DNMT3A: variants seen among roughly 807,000 people sequenced by gnomAD.
DNMT3A encodes the protein DNA (cytosine-5)-methyltransferase 3A.
Under a neutral mutation model 117.6 loss-of-function variants are expected in DNMT3A, and 267 were observed. The ratio of observed to expected loss-of-function variants is 2.27; its 90% CI spans 2.05 to 2.51. The LOEUF (loss-of-function observed/expected upper bound fraction) is 2.51, where lower values mean the gene tolerates loss of function less well. Among genes scored for constraint, DNMT3A ranks in the 30% most tolerant of loss-of-function variants. The pLI, the probability that DNMT3A is intolerant of heterozygous loss-of-function variation, is 0.00. For synonymous variants in DNMT3A, 432 were observed against 474.8 expected (o/e 0.91, Z 1.17); for missense variants, 1,029 against 1,260.2 (o/e 0.82, Z 2.78).
At chr2:25,313,592 G>A (rs948722465) in intron 2 of DNMT3A, among the ~76,000 whole-genome samples, 7 of 152,226 alleles carry the variant, frequency 4.6e-5, no homozygotes, top group African/African-American at 1.7e-4. Flanking sequence ...AGGCGGGTCC[G>A]AGAAGGAATC....
intron 20 of DNMT3A, 97 bp downstream of exon 20, chr2:25,239,033 C>T (rs1427470384): frequency 1.7e-5 from 17 of 1,024,488 alleles, no homozygotes; most frequent in Admixed American, 2.4e-5. Context: ...CAGCAGAGGC[C>T]GGCCAGAGAG....
intron 6 of DNMT3A, among the ~76,000 whole-genome samples, chr2:25,258,355 A>AC (rs1016824027): frequency 4.6e-5 from 7 of 152,054 alleles, no homozygotes; most frequent in Non-Finnish European, 5.9e-5. Flanking sequence ...GGGCAGGGGC[A>AC]CCCCCCTAAC....
rs1673401870 is a variant in DNMT3A, at chr2:25,236,709, G to A, written c.2478+227C>T. 6.6e-6 allele frequency among the ~76,000 whole-genome samples: 1 copy of A among 152,222 alleles called. No individual in the cohort carries two copies. Among genetic ancestry groups the A allele is most frequent in the African/African-American group, 2.4e-5 (1 of 41,464 alleles). ...CAGGTCTTGGTAAAGACTCCTCAGT[G>A]TCTACCGGGGGTGATGGGCGACACT... On this transcript the variant is annotated intron_variant, in intron 21 of 22. Transcript: ENST00000321117. This position sits in a 1 kb window ranked among gnomAD's most constrained non-coding sequence, Gnocchi z 4.5.
chr2:25,251,933 G>A, intron 6 of DNMT3A: 1 of 480,410 alleles, frequency 2.1e-6, no homozygotes. Flanking sequence ...CTCCCGGCCG[G>A]CTGCTCTTCC....
At chr2:25,328,831 C>T (rs1398273591) in intron 1 of DNMT3A, 3 of 408,220 alleles carry the variant, frequency 7.3e-6, no homozygotes, top group Middle Eastern at 8.3e-4. Flanking sequence ...TGCAGGCTCA[C>T]CTGCCCCAGA....
At chr2:25,277,212 C>T (rs780415820) in intron 4 of DNMT3A, among the ~76,000 whole-genome samples, 14 of 152,208 alleles carry the variant, frequency 9.2e-5, no homozygotes, top group Non-Finnish European at 1.8e-4. Context: ...CTTTTAAGGG[C>T]TGTCTCACCC....
chr2:25,252,173 G>C lies in DNMT3A; in HGVS notation c.640-3921C>G. 4 of 1,561,640 alleles carry C rather than the reference G, an allele frequency of 2.6e-6. No homozygotes were observed. The highest frequency in any genetic ancestry group is 3.5e-6 in the Non-Finnish European group (4 of 1,154,890). Reference sequence around the variant, plus strand: ...CGCCTCCCCGCCCCCGGTCTCCCCGGGGCTCCGTCCAGGAACCTACCCATA... The same window carrying C: ...CGCCTCCCCGCCCCCGGTCTCCCCGCGGCTCCGTCCAGGAACCTACCCATA... On this transcript the variant is annotated intron_variant, in intron 6 of 22. Coordinates refer to ENST00000321117, the MANE Select transcript of DNMT3A (RefSeq NM_022552.5). The surrounding 1 kb of genome is among the most constrained non-coding windows in gnomAD (Gnocchi z 5.5).
Position 25,286,791 on chromosome 2 carries a change from C to G in DNMT3A, c.178-4080G>C, listed in dbSNP as rs1396496635. Among the ~76,000 whole-genome samples the G allele has an allele frequency of 6.6e-6, 1 of 152,246 alleles. No individual in the cohort carries two copies. Among genetic ancestry groups the G allele is most frequent in the South Asian group, 2.1e-4 (1 of 4,838 alleles). ...TCCCTGGTGAGAAGGGCAGAAACCTCAGCCTGGAAGCCCAGGAGGGAGGGG... is the reference window on the plus strand; with the variant it reads ...TCCCTGGTGAGAAGGGCAGAAACCTGAGCCTGGAAGCCCAGGAGGGAGGGG... On this transcript the variant is annotated intron_variant, in intron 3 of 22. Coordinates refer to ENST00000321117, the MANE Select transcript of DNMT3A (RefSeq NM_022552.5). The surrounding 1 kb of genome is among the most constrained non-coding windows in gnomAD (Gnocchi z 4.3).
chr2:25,240,836 AAG>A, intron 17 of DNMT3A, 106 bp from the exon 18 acceptor site: 1 of 1,113,248 alleles, frequency 9.0e-7, no homozygotes, highest in Non-Finnish European at 1.3e-6. Flanking sequence ...TTTGACACGA[AAG>A]AGAGGAGACC....
intron 6 of DNMT3A, among the ~76,000 whole-genome samples, chr2:25,263,479 TATC>T (rs1447441737): frequency 6.6e-6 from 1 of 152,146 alleles, no homozygotes; most frequent in Admixed American, 6.5e-5. Flanking sequence ...ACTAGCATAG[TATC>T]ATGTTTATTT....
chr2:25,309,374 T>C (rs984600281), intron 2 of DNMT3A, among the ~76,000 whole-genome samples: 1 of 152,206 alleles, frequency 6.6e-6, no homozygotes, highest in Non-Finnish European at 1.5e-5. Flanking sequence ...AAGCTGCATG[T>C]CTGCAGCAGT....
intron 6 of DNMT3A, among the ~76,000 whole-genome samples, chr2:25,261,606 CAAA>C (rs11312150): frequency 4.5e-5 from 5 of 111,666 alleles, no homozygotes; most frequent in Non-Finnish European, 5.8e-5. Context: ...GACTCCGTCT[CAAA>C]AAAAAAAAAA....
At chr2:25,240,781 G>C in intron 17 of DNMT3A, 51 bp from the exon 18 acceptor site, 1 of 1,560,080 alleles carries the variant, frequency 6.4e-7, no homozygotes, top group South Asian at 1.1e-5. Context: ...GACAGAGGCA[G>C]ACAGGAAGAA....
intron 6 of DNMT3A, among the ~76,000 whole-genome samples, chr2:25,256,546 C>T (rs1025495952): frequency 6.6e-6 from 1 of 152,246 alleles, no homozygotes; most frequent in Non-Finnish European, 1.5e-5. Flanking sequence ...ACACTGGCTA[C>T]ATTCCAAGTG....
rs1199963639 is a variant in DNMT3A, at chr2:25,234,702, C to G, written c.2598-282G>C. Among the ~76,000 whole-genome samples, 1 of 152,184 alleles carries G rather than the reference C, an allele frequency of 6.6e-6. No individual in the cohort carries two copies. The highest frequency in any genetic ancestry group is 2.4e-5 in the African/African-American group (1 of 41,446). On this transcript the variant is annotated intron_variant, in intron 22 of 22. Transcript: ENST00000321117. This position sits in a 1 kb window ranked among gnomAD's most constrained non-coding sequence, Gnocchi z 4.5. ...GTCATCACTGCCTAGAGTTTCACAA[C>G]CCAGCAGAAATAAGAGTAATTTTGA...
At chr2:25,342,052 C>T, upstream of DNMT3A, 1 of 626,604 alleles carries the variant, frequency 1.6e-6, no homozygotes, top group Non-Finnish European at 2.0e-6. This position sits in a 1 kb window ranked among gnomAD's most constrained non-coding sequence, Gnocchi z 5.9. Context: ...CTCCGCCTTC[C>T]TCCTTCCCTC....
Position 25,247,136 on chromosome 2 carries a change from G to A in DNMT3A, c.1037C>T (p.Pro346Leu), listed in dbSNP as rs1308281604. ...FSVVCVEKLM[P>L]LSSFCSAFHQ... is the part of the protein sequence containing the mutation. Reference sequence around the variant, plus strand: ...GAACGCACTGCAAAACGAGCTCAGCGGCATCAGCTTCTCAACACACACCTG... The same window carrying A: ...GAACGCACTGCAAAACGAGCTCAGCAGCATCAGCTTCTCAACACACACCTG... Residue 346 changes from proline to leucine, a missense_variant, in exon 9 of 23, where the codon CCG becomes CTG. By Grantham distance (98) the Pro-to-Leu change is moderately conservative. Coordinates refer to ENST00000321117, the MANE Select transcript of DNMT3A (RefSeq NM_022552.5). This position sits in a 1 kb window ranked among gnomAD's most constrained non-coding sequence, Gnocchi z 5.6. The A allele has an allele frequency of 3.1e-6, 5 of 1,614,050 alleles. No homozygotes were observed. The highest frequency in any genetic ancestry group is 2.7e-5 in the African/African-American group (2 of 75,016).
intron 3 of DNMT3A, among the ~76,000 whole-genome samples, chr2:25,299,121 G>T (rs986906710): frequency 4.6e-5 from 7 of 152,190 alleles, no homozygotes; most frequent in Admixed American, 3.3e-4. Flanking sequence ...CAGCTGGAAG[G>T]GGGGTAAAAG....
At position 25,306,747 on chromosome 2, in the gene DNMT3A, G is replaced by A. The variant is rs556450501; in HGVS notation, c.73-6504C>T. On this transcript the variant is annotated intron_variant, in intron 2 of 22. Transcript: ENST00000321117. This position sits in a 1 kb window ranked among gnomAD's most constrained non-coding sequence, Gnocchi z 4.1. ...TCTATGTCACAAGGCCAGACACAGGGGTGCACTAAAAAAATCTATTGAGCA... is the reference window on the plus strand; with the variant it reads ...TCTATGTCACAAGGCCAGACACAGGAGTGCACTAAAAAAATCTATTGAGCA... Among the ~76,000 whole-genome samples, 43 of 152,190 alleles carry A rather than the reference G, an allele frequency of 2.8e-4. No homozygotes were observed. Among genetic ancestry groups the A allele is most frequent in the Middle Eastern group, 6.8e-3 (2 of 294 alleles).
Sources: allele counts gnomAD v4.1 joint callset (sites outside exome capture counted in the v4.1 genomes callset), GRCh38; gene constraint gnomAD v4.1.1; non-coding constraint Gnocchi (gnomAD v3.1); transcripts MANE v1.5; gene names NCBI Gene and HGNC (gene_info 2026-07-23, HGNC 2026-07-21).